Variants in ITPK1 observed in about 807,000 individuals in gnomAD.
ITPK1 encodes inositol 1,3,4-trisphosphate 5/6-kinase.
In ITPK1, 21 loss-of-function variants were observed where a neutral mutation model predicts 45.3. The ratio of observed to expected loss-of-function variants is 0.46; its 90% CI spans 0.33 to 0.67. The LOEUF (loss-of-function observed/expected upper bound fraction) is 0.67, where lower values mean the gene tolerates loss of function less well. ITPK1 is among the 30% of genes least tolerant of loss of function. The pLI, the probability that ITPK1 is intolerant of heterozygous loss-of-function variation, is 0.02. For synonymous variants in ITPK1, 258 were observed against 253.6 expected (o/e 1.02, Z -0.16); for missense variants, 474 against 573.5 (o/e 0.83, Z 1.77).
chr14:93,053,381 C>T (rs777125730), intron 3 of ITPK1, among the ~76,000 whole-genome samples: 1 of 152,188 alleles, frequency 6.6e-6, no homozygotes, highest in Non-Finnish European at 1.5e-5. Flanking sequence ...ACCCGCCCCT[C>T]TCCCGGCTGC....
intron 2 of ITPK1, among the ~76,000 whole-genome samples, chr14:93,112,437 A>ATTTT (rs34131872): frequency 2.0e-4 from 25 of 122,688 alleles, no homozygotes; most frequent in African/African-American, 6.7e-4. Flanking sequence ...GAGCAGGGCC[A>ATTTT]TTTTTTTTTT....
At chr14:93,109,281 G>A (rs1892647608) in intron 2 of ITPK1, among the ~76,000 whole-genome samples, 1 of 152,240 alleles carries the variant, frequency 6.6e-6, no homozygotes, top group South Asian at 2.1e-4. Context: ...CCCATGCAAT[G>A]TGCAAGAGCA....
intron 5 of ITPK1, among the ~76,000 whole-genome samples, chr14:92,981,972 G>A (rs1020107382): frequency 6.6e-6 from 1 of 152,264 alleles, no homozygotes; most frequent in Non-Finnish European, 1.5e-5. Context: ...CAAGGGTCAA[G>A]AGGGGTGCCC....
intron 3 of ITPK1, among the ~76,000 whole-genome samples, chr14:93,039,911 T>C (rs926748531): frequency 6.6e-6 from 1 of 152,190 alleles, no homozygotes; most frequent in Non-Finnish European, 1.5e-5. Flanking sequence ...TTACTGGCCC[T>C]CTGTCCTCCC....
chr14:92,945,299 C>A (rs143356682), intron 10 of ITPK1, among the ~76,000 whole-genome samples: 1 of 152,250 alleles, frequency 6.6e-6, no homozygotes, highest in Non-Finnish European at 1.5e-5. Flanking sequence ...CTGCTGACTG[C>A]GCCTGCGCAT....
At chr14:93,100,468 T>A (rs1282637140) in intron 2 of ITPK1, among the ~76,000 whole-genome samples, 1 of 147,800 alleles carries the variant, frequency 6.8e-6, no homozygotes, top group Non-Finnish European at 1.5e-5. Flanking sequence ...TTGCACCACA[T>A]GGGCCTGAGA....
chr14:93,023,891 G>A (rs1014794093), intron 3 of ITPK1, among the ~76,000 whole-genome samples: 6 of 152,208 alleles, frequency 3.9e-5, no homozygotes, highest in South Asian at 2.1e-4. Flanking sequence ...CCTCGATCCC[G>A]TGCATCTTGG....
intron 5 of ITPK1, among the ~76,000 whole-genome samples, chr14:92,978,788 A>G (rs1017139724): frequency 6.6e-6 from 1 of 152,174 alleles, no homozygotes; most frequent in Non-Finnish European, 1.5e-5. Context: ...AAACACCTGG[A>G]TGTCCAGACA....
chr14:92,989,549 C>T (rs1886676328), intron 5 of ITPK1, among the ~76,000 whole-genome samples: 1 of 152,198 alleles, frequency 6.6e-6, no homozygotes, highest in Non-Finnish European at 1.5e-5. Context: ...GAATCGCTCA[C>T]CCTAGGGTAG....
intron 4 of ITPK1, among the ~76,000 whole-genome samples, chr14:92,995,631 TGA>T (rs1270547334): frequency 7.2e-5 from 11 of 152,200 alleles, no homozygotes; most frequent in Non-Finnish European, 1.2e-4. Flanking sequence ...CTCACGCCTG[TGA>T]CTCTCCTCAC....
intron 2 of ITPK1, among the ~76,000 whole-genome samples, chr14:93,101,939 G>A (rs1892337670): frequency 6.6e-6 from 1 of 152,208 alleles, no homozygotes; most frequent in Non-Finnish European, 1.5e-5. Flanking sequence ...ACATGTTAGC[G>A]CTCAGCACCA....
At chr14:93,102,387 C>A (rs1892355621) in intron 2 of ITPK1, among the ~76,000 whole-genome samples, 1 of 152,264 alleles carries the variant, frequency 6.6e-6, no homozygotes, top group Non-Finnish European at 1.5e-5. Flanking sequence ...CACCTTCCTG[C>A]AGGGAGGCGG....
intron 5 of ITPK1, among the ~76,000 whole-genome samples, chr14:92,990,096 C>T (rs901178889): frequency 1.3e-5 from 2 of 152,172 alleles, no homozygotes; most frequent in East Asian, 1.9e-4. Flanking sequence ...TGATAAAACC[C>T]GAATTGTAGC....
chr14:93,061,014 A>AC (rs1890496765), intron 3 of ITPK1, among the ~76,000 whole-genome samples: 1 of 152,214 alleles, frequency 6.6e-6, no homozygotes, highest in East Asian at 1.9e-4. Context: ...ACCCACACCC[A>AC]CAACAAAAGT....
At chr14:93,115,477 G>A (rs1427905466) in intron 1 of ITPK1, among the ~76,000 whole-genome samples, 172 bp from the exon 2 acceptor site, 2 of 149,060 alleles carry the variant, frequency 1.3e-5, no homozygotes, top group Admixed American at 6.6e-5. Context: ...CCGGCCTGCC[G>A]GCTGAGGCTG....
chr14:93,108,452 G>A (rs1892611295), intron 2 of ITPK1, among the ~76,000 whole-genome samples: 1 of 152,188 alleles, frequency 6.6e-6, no homozygotes, highest in South Asian at 2.1e-4. Context: ...GAAATAACCG[G>A]TAAAGGCAGG....
intron 2 of ITPK1, among the ~76,000 whole-genome samples, chr14:93,082,979 C>G (rs1056233311): frequency 6.6e-6 from 1 of 152,202 alleles, no homozygotes; most frequent in African/African-American, 2.4e-5. Flanking sequence ...AGCTTTCTGT[C>G]GCTGGCCGCT....
chr14:93,007,675 G>A, intron 4 of ITPK1, among the ~76,000 whole-genome samples: 1 of 152,194 alleles, frequency 6.6e-6, no homozygotes, highest in East Asian at 1.9e-4. Context: ...CACAATAAGA[G>A]AGACAGATCC....
At chr14:93,013,515 C>T (rs930832756) in intron 4 of ITPK1, among the ~76,000 whole-genome samples, 6 of 152,082 alleles carry the variant, frequency 3.9e-5, no homozygotes, top group African/African-American at 1.4e-4. Flanking sequence ...CCCTGAGGAA[C>T]ATCTCAGAAA....
Sources: gnomAD v4.1 joint callset for allele counts (sites outside exome capture counted in the v4.1 genomes callset) on GRCh38, gnomAD v4.1.1 for gene constraint, MANE v1.5 for transcripts, NCBI Gene and HGNC (gene_info 2026-07-23, HGNC 2026-07-21) for gene names.